Variants in CDCA2 observed in about 807,000 individuals in gnomAD.
The protein encoded by CDCA2 is cell division cycle-associated protein 2.
CDCA2 carries 44 observed loss-of-function variants against 67.0 expected under a neutral mutation model. The observed-to-expected ratio is 0.66, with a 90% CI of 0.52 to 0.84. The LOEUF is 0.84. Among genes scored for constraint, CDCA2 ranks in the 40% least tolerant of loss-of-function variants. CDCA2 has a pLI of 0.00. For synonymous variants in CDCA2, 447 were observed against 418.7 expected (o/e 1.07, Z -0.82); for missense variants, 1,253 against 1,203.2 (o/e 1.04, Z -0.61).
intron 8 of CDCA2, among the ~76,000 whole-genome samples, chr8:25,482,714 A>C (rs576716017): frequency 3.3e-5 from 5 of 152,240 alleles, no homozygotes; most frequent in African/African-American, 1.2e-4. Context: ...ACAAAAAAAT[A>C]CAAAAATTAG....
Position 25,484,046 on chromosome 8 carries a change from C to T in CDCA2, c.1201C>T (p.Pro401Ser). 6.2e-7 allele frequency: 1 copy of T among 1,614,068 alleles called. No individual in the cohort carries two copies. ...AGTTACTTTTGGAGAGGACTTAAGC[C>T]CGGAAGTGTTTGATGAATCTTTGCC... ...KRVTFGEDLS[P>S]EVFDESLPAN... Residue 401 changes from proline to serine, a missense_variant, in exon 10 of 15, where the codon CCG (proline) becomes TCG (serine). Transcript: ENST00000330560.
In CDCA2 at chr8:25,484,047, CGG is replaced by C; in HGVS notation, c.1203_1204del (p.Glu402SerfsTer3). 3 of 1,614,072 alleles carry C rather than the reference CGG, an allele frequency of 1.9e-6. No individual in the cohort carries two copies. Among genetic ancestry groups the C allele is most frequent in the Non-Finnish European group, 2.5e-6 (3 of 1,180,008 alleles). Reference sequence around the variant, plus strand: ...GTTACTTTTGGAGAGGACTTAAGCCCGGAAGTGTTTGATGAATCTTTGCCAGC... The same window carrying C: ...GTTACTTTTGGAGAGGACTTAAGCCCAAGTGTTTGATGAATCTTTGCCAGC... On this transcript the variant is annotated frameshift_variant, in exon 10 of 15. Coordinates refer to ENST00000330560, the MANE Select transcript of CDCA2 (RefSeq NM_152562.4). LOFTEE classifies it high-confidence loss of function.
chr8:25,479,743 C>CTGT (rs1255990895), intron 7 of CDCA2, 170 bp from the exon 8 acceptor site: 2 of 639,438 alleles, frequency 3.1e-6, no homozygotes, highest in Non-Finnish European at 5.4e-6. Flanking sequence ...GCTTCTTTAC[C>CTGT]TCCTTTTCTG....
intron 10 of CDCA2, among the ~76,000 whole-genome samples, 188 bp downstream of exon 10, chr8:25,484,398 T>C (rs1803686414): frequency 6.6e-6 from 1 of 152,180 alleles, no homozygotes; most frequent in Non-Finnish European, 1.5e-5. Flanking sequence ...CTTCCCTGAC[T>C]CCTTGTACAT....
Position 25,490,213 on chromosome 8 carries a change from A to G in CDCA2, c.1671+1524A>G, listed in dbSNP as rs906392565. 7.2e-5 allele frequency among the ~76,000 whole-genome samples: 11 copies of G among 152,112 alleles called. No homozygotes were observed. The East Asian group carries it at 9.6e-4, about 13-fold the overall frequency. On this transcript the variant is annotated intron_variant, in intron 13 of 14. Transcript: ENST00000330560. The stretch of plus-strand genomic sequence containing the variant: ...ATTGATTTCCTTCGTGTGTGTGTGT[A>G]TATATATTTTAAAGCACTCTTACAA...
chr8:25,480,555 A>T (rs1313052344), intron 8 of CDCA2, among the ~76,000 whole-genome samples: 1 of 152,118 alleles, frequency 6.6e-6, no homozygotes, highest in Non-Finnish European at 1.5e-5. Context: ...TTTTTTCTCG[A>T]AGCTCAGTCA....
At chr8:25,465,103 A>G (rs1476118914) in intron 4 of CDCA2, among the ~76,000 whole-genome samples, 2 of 152,058 alleles carry the variant, frequency 1.3e-5, no homozygotes, top group Non-Finnish European at 2.9e-5. Context: ...CCTCCCACAT[A>G]GCTGGGATTA....
chr8:25,473,884 G>C (rs1047241200), intron 7 of CDCA2, among the ~76,000 whole-genome samples: 3 of 152,116 alleles, frequency 2.0e-5, no homozygotes, highest in Non-Finnish European at 4.4e-5. Flanking sequence ...GCTTCTTTGA[G>C]ACTATAATCC....
rs563823088 is a variant in CDCA2 at position 25,506,583 on chromosome 8, G to A, written c.1917G>A (p.Leu639=). 30 of 1,604,202 alleles carry A rather than the reference G, an allele frequency of 1.9e-5. No homozygotes were observed. The South Asian group carries it at 3.3e-4, about 18-fold the overall frequency. Residue 639 remains leucine, a synonymous_variant, in exon 15 of 15, where the codon TTG becomes TTA. Coordinates refer to ENST00000330560, the MANE Select transcript of CDCA2 (RefSeq NM_152562.4). ...PKNPVKRKDL[L]RHDPDLHMHQ... ...ATCCAGTGAAAAGAAAGGATCTTTT[G>A]CGTCATGACCCAGATTTGCATATGC...
intron 13 of CDCA2, among the ~76,000 whole-genome samples, chr8:25,489,241 C>T (rs1295567668): frequency 1.3e-5 from 2 of 152,184 alleles, no homozygotes; most frequent in African/African-American, 4.8e-5. Context: ...TCCAAAGCCA[C>T]CTACTCACTC....
chr8:25,493,399 C>T (rs1056476356), intron 13 of CDCA2, among the ~76,000 whole-genome samples: 4 of 152,072 alleles, frequency 2.6e-5, no homozygotes, highest in Non-Finnish European at 4.4e-5. Flanking sequence ...AAACCAGAAA[C>T]AGTGAGGGCA....
At chr8:25,460,159 C>A in intron 1 of CDCA2, 81 bp from the exon 2 acceptor site, 1 of 1,343,134 alleles carries the variant, frequency 7.4e-7, no homozygotes, top group South Asian at 1.2e-5. Flanking sequence ...TATTACAATT[C>A]AGTCCTGAAT....
rs141028295 is a variant in CDCA2, at chr8:25,483,422, T to C, written c.1056T>C (p.Asp352=). ...SLQEHCNNLY[D]DDGTHPSLIS... ...AGGAACACTGTAACAACCTCTATGATGATGATGGGACTCATCCGAGCTTAA... is the reference window on the plus strand; with the variant it reads ...AGGAACACTGTAACAACCTCTATGACGATGATGGGACTCATCCGAGCTTAA... The change falls in exon 9 of 15, where the codon GAT becomes GAC. Residue 352 remains aspartate, a synonymous_variant. Transcript: ENST00000330560. 54 of 1,609,128 alleles carry C rather than the reference T, an allele frequency of 3.4e-5. No individual in the cohort carries two copies. The African/African-American group carries it at 5.5e-4, about 16-fold the overall frequency.
At chr8:25,487,180 CA>C in intron 11 of CDCA2, 65 bp from the exon 12 acceptor site, 1 of 958,526 alleles carries the variant, frequency 1.0e-6, no homozygotes, top group South Asian at 1.3e-5. Context: ...ACAGTGTTTC[CA>C]AAGGAAGATG....
chr8:25,489,680 A>G (rs1803926928), intron 13 of CDCA2, among the ~76,000 whole-genome samples: 1 of 152,186 alleles, frequency 6.6e-6, no homozygotes, highest in Admixed American at 6.5e-5. Context: ...CTTAATGGAC[A>G]TCTTAGCATT....
chr8:25,504,212 A>C (rs1804588018), intron 14 of CDCA2, among the ~76,000 whole-genome samples: 1 of 152,170 alleles, frequency 6.6e-6, no homozygotes, highest in Non-Finnish European at 1.5e-5. Context: ...GGGTAGATAA[A>C]AAATGGACTG....
intron 14 of CDCA2, among the ~76,000 whole-genome samples, chr8:25,505,030 A>G (rs1186718822): frequency 1.3e-5 from 2 of 152,096 alleles, no homozygotes; most frequent in African/African-American, 2.4e-5. Flanking sequence ...TACCTAAAGC[A>G]TTTTTTGTCT....
chr8:25,477,467 G>T (rs1052783502), intron 7 of CDCA2, among the ~76,000 whole-genome samples: 1 of 152,120 alleles, frequency 6.6e-6, no homozygotes, highest in Non-Finnish European at 1.5e-5. Context: ...GTAACTTTTT[G>T]AGTGCAAACA....
chr8:25,479,889 C>G, intron 7 of CDCA2, 24 bp from the exon 8 acceptor site: 1 of 1,607,794 alleles, frequency 6.2e-7, no homozygotes, highest in Non-Finnish European at 8.5e-7. Flanking sequence ...TTCTGCCTCT[C>G]AAGTTTACAT....
Sources: allele counts gnomAD v4.1 joint callset (sites outside exome capture counted in the v4.1 genomes callset), GRCh38; gene constraint gnomAD v4.1.1; transcripts MANE v1.5; gene names NCBI Gene and HGNC (gene_info 2026-07-23, HGNC 2026-07-21).